ZNF469: variants seen among roughly 807,000 people sequenced by gnomAD.
The protein encoded by ZNF469 is zinc finger protein 469.
ZNF469 carries 1 observed loss-of-function variant against 1.0 expected under a neutral mutation model. The observed-to-expected ratio is 1.00, with a 90% confidence interval of 0.35 to 4.73. The LOEUF is 4.73. Among genes scored for constraint, ZNF469 ranks in the 30% most tolerant of loss-of-function variants. The probability of loss-of-function intolerance (pLI) is 0.16; values close to 1 mark genes in which losing one functional copy is unlikely to be tolerated. For missense variants in ZNF469, 6,100 were observed against 5,356.3 expected (o/e 1.14, Z -4.33); for synonymous variants, 2,703 against 2,363.4 (o/e 1.14, Z -4.17).
chr16:88,281,108 G>GT, the ZNF469 span, among the ~76,000 whole-genome samples: 1 of 147,902 alleles, frequency 6.8e-6, no homozygotes, highest in South Asian at 2.2e-4. Context: ...GGTCAGTACC[G>GT]TGTCAATTTT....
chr16:88,103,402 G>A, the ZNF469 span, among the ~76,000 whole-genome samples: 2 of 152,228 alleles, frequency 1.3e-5, no homozygotes, highest in Non-Finnish European at 2.9e-5. Context: ...GCTGCCCAGT[G>A]CCCCTTGCCA....
At chr16:88,340,565 C>G in the ZNF469 span, among the ~76,000 whole-genome samples, 2 of 152,220 alleles carry the variant, frequency 1.3e-5, no homozygotes, top group Non-Finnish European at 2.9e-5. Flanking sequence ...GAGTGCTGGG[C>G]TTTGCAGCCA....
chr16:88,167,433 C>T, the ZNF469 span, among the ~76,000 whole-genome samples: 1 of 152,178 alleles, frequency 6.6e-6, no homozygotes, highest in Non-Finnish European at 1.5e-5. Context: ...TCCTTGACTC[C>T]GGCAGCTGGT....
At chr16:88,170,464 A>T in the ZNF469 span, among the ~76,000 whole-genome samples, 1 of 152,200 alleles carries the variant, frequency 6.6e-6, no homozygotes, top group Non-Finnish European at 1.5e-5. This position sits in a 1 kb window ranked among gnomAD's most constrained non-coding sequence, Gnocchi z 4.2. Flanking sequence ...AGCCCCAGCA[A>T]CCACGGCTCT....
chr16:88,307,241 G>C, the ZNF469 span, among the ~76,000 whole-genome samples: 1 of 152,228 alleles, frequency 6.6e-6, no homozygotes, highest in Non-Finnish European at 1.5e-5. Context: ...TTGTTTATCT[G>C]TTCTTCCACT....
chr16:88,235,726 T>A, the ZNF469 span, among the ~76,000 whole-genome samples: 39,227 of 151,578 alleles, frequency 0.26, 5,484 homozygotes, highest in East Asian at 0.58. Context: ...AAAAAACATC[T>A]AACTCCATAC....
rs1456441478 is a variant in ZNF469 at position 88,430,477 on chromosome 16, G to A, written c.3007G>A (p.Gly1003Arg). 22 of 1,443,802 alleles carry A rather than the reference G, an allele frequency of 1.5e-5. No individual in the cohort carries two copies. The highest frequency in any genetic ancestry group is 2.0e-5 in the Non-Finnish European group (22 of 1,108,348). The allele number at this position is 1,443,802 out of a possible 1,614,324, so 89.4% of individuals were successfully genotyped here. The change falls in exon 3 of 3, where the codon GGG (glycine) becomes AGG (arginine). Residue 1003 changes from glycine to arginine, a missense_variant. Coordinates refer to ENST00000565624, the MANE Select transcript of ZNF469 (RefSeq NM_001367624.2). ...RPRRPRTQAP[G>R]SRADPAPRVP... ...CCGGCGCCCTAGAACGCAGGCCCCC[G>A]GGAGCCGCGCAGACCCCGCGCCCCG... is the stretch of plus-strand genomic sequence containing the variant.
chr16:88,413,564 T>C (rs1050912780), intron 1 of ZNF469, among the ~76,000 whole-genome samples: 1 of 152,252 alleles, frequency 6.6e-6, no homozygotes, highest in African/African-American at 2.4e-5. Context: ...CCCAGGCCTC[T>C]GGAGAAGTGA....
the ZNF469 span, among the ~76,000 whole-genome samples, chr16:88,270,110 C>T: frequency 6.6e-6 from 1 of 152,166 alleles, no homozygotes; most frequent in East Asian, 1.9e-4. Flanking sequence ...AGGTAAATTG[C>T]GCCTGCAGTG....
chr16:88,168,346 GT>G, the ZNF469 span, among the ~76,000 whole-genome samples: 41 of 152,092 alleles, frequency 2.7e-4, no homozygotes, highest in Admixed American at 5.2e-4. This position sits in a 1 kb window ranked among gnomAD's most constrained non-coding sequence, Gnocchi z 4.3. Context: ...AAGTGAACTG[GT>G]TTTTTTCCCC....
chr16:88,102,242 C>T, the ZNF469 span, among the ~76,000 whole-genome samples: 3 of 152,200 alleles, frequency 2.0e-5, no homozygotes, highest in African/African-American at 7.2e-5. Flanking sequence ...CCAGGCCAGG[C>T]TTGGTGGCTC....
At chr16:88,174,476 G>GTCTGTCTATCTATCTATCTA in the ZNF469 span, among the ~76,000 whole-genome samples, 48 of 101,622 alleles carry the variant, frequency 4.7e-4, no homozygotes, top group South Asian at 8.8e-4. Context: ...CTGTCTGTCT[G>GTCTGTCTATCTATCTATCTA]TCTATCTATC....
chr16:88,298,508 CA>C, the ZNF469 span, among the ~76,000 whole-genome samples: 38 of 152,212 alleles, frequency 2.5e-4, no homozygotes, highest in Non-Finnish European at 4.3e-4. Context: ...AGGCGAAACT[CA>C]AAATGTCTTC....
chr16:88,142,151 C>T, the ZNF469 span, among the ~76,000 whole-genome samples: 1 of 152,328 alleles, frequency 6.6e-6, no homozygotes, highest in Admixed American at 6.5e-5. Context: ...CAGGGTGAAA[C>T]TGCAGGGCCA....
the ZNF469 span, among the ~76,000 whole-genome samples, chr16:88,139,241 G>A: frequency 6.6e-6 from 1 of 152,148 alleles, no homozygotes; most frequent in African/African-American, 2.4e-5. Flanking sequence ...TGCGCATGCT[G>A]TGAAAAGTGG....
chr16:88,189,569 G>A, the ZNF469 span, among the ~76,000 whole-genome samples: 1 of 152,200 alleles, frequency 6.6e-6, no homozygotes, highest in Non-Finnish European at 1.5e-5. The surrounding 1 kb of genome is among the most constrained non-coding windows in gnomAD (Gnocchi z 4.3). Context: ...GCACTAGGTT[G>A]GGTGCTGGGG....
upstream of ZNF469, among the ~76,000 whole-genome samples, chr16:88,381,143 C>T (rs544633437): frequency 4.1e-5 from 6 of 147,996 alleles, no homozygotes; most frequent in Non-Finnish European, 7.4e-5. Context: ...TGCACTCACA[C>T]ACACACTCAC....
chr16:88,302,693 C>T, the ZNF469 span, among the ~76,000 whole-genome samples: 14 of 152,170 alleles, frequency 9.2e-5, no homozygotes, highest in East Asian at 1.9e-4. Flanking sequence ...TGCTCCCTGC[C>T]GGAGGCTCAC....
At chr16:88,133,405 G>A in the ZNF469 span, among the ~76,000 whole-genome samples, 245 of 152,346 alleles carry the variant, frequency 1.6e-3, 1 homozygote, top group African/African-American at 5.6e-3. Context: ...GGGCCTGTCA[G>A]GGAAGGGCTG....
Sources: allele counts gnomAD v4.1 joint callset (sites outside exome capture counted in the v4.1 genomes callset), GRCh38; gene constraint gnomAD v4.1.1; non-coding constraint Gnocchi (gnomAD v3.1); transcripts MANE v1.5; gene names NCBI Gene and HGNC (gene_info 2026-07-23, HGNC 2026-07-21).